Variants in AQP6 observed in about 807,000 individuals in gnomAD.
The protein encoded by AQP6 is aquaporin 6.
AQP6 carries 14 observed loss-of-function variants against 16.3 expected under a neutral mutation model. That is an observed-to-expected ratio of 0.86 (90% CI 0.57 to 1.34). The LOEUF is 1.34. AQP6 is among the 40% of genes most tolerant of loss of function. The pLI, the probability that AQP6 is intolerant of heterozygous loss-of-function variation, is 0.00. For missense variants in AQP6, 331 were observed against 379.7 expected, an observed-to-expected ratio of 0.87 and a Z score of 1.07; for synonymous variants, 178 against 166.8, an observed-to-expected ratio of 1.07 and a Z score of -0.52.
At position 49,973,502 on chromosome 12, in the gene AQP6, G is replaced by C. The variant is rs370418802; in HGVS notation, c.329G>C (p.Gly110Ala). 1.2e-6 allele frequency: 2 copies of C among 1,613,576 alleles called. No homozygotes were observed. The highest frequency in any genetic ancestry group is 2.7e-5 in the African/African-American group (2 of 74,958). The change falls in exon 1 of 4, where the codon GGG (glycine) becomes GCG (alanine). Residue 110 changes from glycine to alanine, a missense_variant. Coordinates refer to ENST00000315520, the MANE Select transcript of AQP6 (RefSeq NM_001652.4). ...GCCTATGTGGCTGCCCAGCTGGTGG[G>C]GGCCACGGTGGGGGCTGCTCTGCTT... ...AVAYVAAQLV[G>A]ATVGAALLYG... is the part of the protein sequence containing the mutation.
rs148861961 is a variant in AQP6, at chr12:49,973,043, G to C, written c.-131G>C. ...GTGGAGGAGCTGCAGGTGGGGGCCA[G>C]AGAAGCCTCCACAGAGAGCAAAAGC... is the stretch of plus-strand genomic sequence containing the variant. On this transcript the variant is annotated 5_prime_UTR_variant, in exon 1 of 4. Coordinates refer to ENST00000315520, the MANE Select transcript of AQP6 (RefSeq NM_001652.4). 4 of 1,285,296 alleles carry C rather than the reference G, an allele frequency of 3.1e-6. No homozygotes were observed. In the African/African-American group the frequency reaches 6.0e-5, roughly 19 times the overall value. The allele number at this position is 1,285,296 out of a possible 1,614,324, so 79.6% of individuals were successfully genotyped here.
chr12:49,974,851 G>T (rs1352960815), intron 3 of AQP6, 25 bp downstream of exon 3: 1 of 1,612,692 alleles, frequency 6.2e-7, no homozygotes, highest in Admixed American at 1.7e-5. Flanking sequence ...TGGCAGCCCT[G>T]GGGAGGGAAG....
chr12:49,974,612 T>C (rs1947557723), intron 2 of AQP6, 130 bp downstream of exon 2: 5 of 1,423,240 alleles, frequency 3.5e-6, no homozygotes, highest in Non-Finnish European at 4.8e-6. Flanking sequence ...TGGTACCCCC[T>C]GCACTCTAGG....
chr12:49,975,822 C>A lies in AQP6; in HGVS notation c.*151C>A. The A allele has an allele frequency of 9.2e-7, 1 of 1,084,052 alleles. No homozygotes were observed. Among genetic ancestry groups the A allele is most frequent in the Non-Finnish European group, 1.2e-6 (1 of 810,118 alleles). 67.2% of individuals were successfully genotyped at this position (1,084,052 alleles called of 1,614,324 possible). ...AAGCCCTATCCCTGGCATTACGTTTCTAGGTAGAATCTGGGAGTGAATTTG... is the reference window on the plus strand; with the variant it reads ...AAGCCCTATCCCTGGCATTACGTTTATAGGTAGAATCTGGGAGTGAATTTG... On this transcript the variant is annotated 3_prime_UTR_variant, in exon 4 of 4. Coordinates refer to ENST00000315520, the MANE Select transcript of AQP6 (RefSeq NM_001652.4). This position sits in a 1 kb window ranked among gnomAD's most constrained non-coding sequence, Gnocchi z 4.4.
Position 49,976,141 on chromosome 12 carries a change from C to T in AQP6, c.*470C>T, listed in dbSNP as rs1232960867. On this transcript the variant is annotated 3_prime_UTR_variant, in exon 4 of 4. Coordinates refer to ENST00000315520, the MANE Select transcript of AQP6 (RefSeq NM_001652.4). ...AGGCCCTGGGACAGCCTCTGAGCTCCTGGGGGTGTTTCTCTGACCTTGGGT... is the reference window on the plus strand; with the variant it reads ...AGGCCCTGGGACAGCCTCTGAGCTCTTGGGGGTGTTTCTCTGACCTTGGGT... The T allele has an allele frequency of 1.3e-5, 2 of 154,132 alleles. No individual in the cohort carries two copies. Among genetic ancestry groups the T allele is most frequent in the African/African-American group, 4.8e-5 (2 of 41,478 alleles). 9.5% of individuals were successfully genotyped at this position (154,132 alleles called of 1,614,324 possible). A position where few individuals can be genotyped will look rare whatever the true frequency, so the allele number is the denominator to read the frequency against.
intron 2 of AQP6, 71 bp downstream of exon 2, chr12:49,974,553 A>T: frequency 6.6e-7 from 1 of 1,514,644 alleles, no homozygotes; most frequent in Non-Finnish European, 8.9e-7. Flanking sequence ...TGGAGCCCTG[A>T]AGGCCAGGCA....
At position 49,973,273 on chromosome 12, in the gene AQP6, A is replaced by AC. The variant is rs778778110; in HGVS notation, c.101dup (p.Leu36AlafsTer279). 3.7e-6 allele frequency: 6 copies of AC among 1,613,866 alleles called. No individual in the cohort carries two copies. In the Admixed American group the frequency reaches 1.0e-4, roughly 27 times the overall value. On this transcript the variant is annotated frameshift_variant, in exon 1 of 4. Coordinates refer to ENST00000315520, the MANE Select transcript of AQP6 (RefSeq NM_001652.4). LOFTEE classifies it high-confidence loss of function. ...GGCGCTGTTTGCAGAGTTCCTGGCC[A>AC]CGGGGCTGTATGTGTTCTTTGGCGT...
Position 49,977,027 on chromosome 12 carries a change from T to C in AQP6, c.*1356T>C. 4 of 702,360 alleles carry C rather than the reference T, an allele frequency of 5.7e-6. No individual in the cohort carries two copies. The highest frequency in any genetic ancestry group is 4.0e-5 in the Admixed American group (2 of 50,012). The allele number at this position is 702,360 out of a possible 1,614,324, so 43.5% of individuals were successfully genotyped here. ...TTCTGGATCTCGGCTTCTCCAGCTG[T>C]AAAATGGACACACAATCCTCCTCCA... On this transcript the variant is annotated 3_prime_UTR_variant, in exon 4 of 4. Coordinates refer to ENST00000315520, the MANE Select transcript of AQP6 (RefSeq NM_001652.4).
In AQP6 at chr12:49,972,981, C is replaced by T; in HGVS notation, c.-193C>T. The T allele has an allele frequency of 2.7e-6, 2 of 750,640 alleles. No homozygotes were observed. Among genetic ancestry groups the T allele is most frequent in the East Asian group, 2.7e-5 (1 of 36,830 alleles). The allele number at this position is 750,640 out of a possible 1,614,324, so 46.5% of individuals were successfully genotyped here. A position where few individuals can be genotyped will look rare whatever the true frequency, so the allele number is the denominator to read the frequency against. ...CATAAGCCCATCCGCCTGCGCCCTG[C>T]CAGTCTGACCAGCACAGTCCTGGGG... On this transcript the variant is annotated 5_prime_UTR_variant, in exon 1 of 4. Coordinates refer to ENST00000315520, the MANE Select transcript of AQP6 (RefSeq NM_001652.4).
intron 1 of AQP6, chr12:49,974,092 T>C (rs1947552001): frequency 1.4e-5 from 18 of 1,246,512 alleles, no homozygotes; most frequent in Non-Finnish European, 1.8e-5. Context: ...CCTGAACCAC[T>C]GGCCCCAACC....
chr12:49,972,999 T>C lies in AQP6; in HGVS notation c.-175T>C. The C allele has an allele frequency of 1.1e-6, 1 of 890,394 alleles. No homozygotes were observed. Among genetic ancestry groups the C allele is most frequent in the Non-Finnish European group, 1.7e-6 (1 of 602,726 alleles). The allele number at this position is 890,394 out of a possible 1,614,324, so 55.2% of individuals were successfully genotyped here. ...CGCCCTGCCAGTCTGACCAGCACAG[T>C]CCTGGGGACAGGAGCGTGGTGGAGG... On this transcript the variant is annotated 5_prime_UTR_variant, in exon 1 of 4. Transcript: ENST00000315520.
At position 49,977,012 on chromosome 12, in the gene AQP6, C is replaced by T. The variant is rs780635907; in HGVS notation, c.*1341C>T. 2.8e-6 allele frequency: 2 copies of T among 702,188 alleles called. No homozygotes were observed. Among genetic ancestry groups the T allele is most frequent in the African/African-American group, 1.7e-5 (1 of 57,228 alleles). The allele number at this position is 702,188 out of a possible 1,614,324, so 43.5% of individuals were successfully genotyped here. A position where few individuals can be genotyped will look rare whatever the true frequency, so the allele number is the denominator to read the frequency against. On this transcript the variant is annotated 3_prime_UTR_variant, in exon 4 of 4. Transcript: ENST00000315520. ...CAACTTGGGGGTCCTTTCTGGATCT[C>T]GGCTTCTCCAGCTGTAAAATGGACA...
rs145050895 is a variant in AQP6 at position 49,973,413 on chromosome 12, C to A, written c.240C>A (p.His80Gln). The A allele has an allele frequency of 1.2e-6, 2 of 1,612,590 alleles. No individual in the cohort carries two copies. The highest frequency in any genetic ancestry group is 1.7e-6 in the Non-Finnish European group (2 of 1,180,026). ...VQVTWKASGA[H>Q]ANPAVTLAFL... Reference sequence around the variant, plus strand: ...TCACCTGGAAGGCCAGCGGGGCCCACGCCAACCCCGCCGTGACGCTGGCCT... The same window carrying A: ...TCACCTGGAAGGCCAGCGGGGCCCAAGCCAACCCCGCCGTGACGCTGGCCT... The change falls in exon 1 of 4, where the codon CAC becomes CAA. Residue 80 changes from histidine to glutamine, a missense_variant. By Grantham distance (24) the His-to-Gln change is conservative. Transcript: ENST00000315520.
In AQP6 at chr12:49,974,368, G is replaced by A; in HGVS notation, c.447G>A (p.Leu149=). The A allele has an allele frequency of 6.2e-7, 1 of 1,612,648 alleles. No individual in the cohort carries two copies. The highest frequency in any genetic ancestry group is 1.1e-5 in the South Asian group (1 of 90,978). The change falls in exon 2 of 4, where the codon CTG becomes CTA. Residue 149 remains leucine (L), a synonymous_variant. Coordinates refer to ENST00000315520, the MANE Select transcript of AQP6 (RefSeq NM_001652.4). ...CTGGCCAGGCGGTGGCAGTGGAGCTGCTTCTGACCCTGCAGCTGGTGCTCT... is the reference window on the plus strand; with the variant it reads ...CTGGCCAGGCGGTGGCAGTGGAGCTACTTCTGACCCTGCAGCTGGTGCTCT... ...VSTGQAVAVE[L]LLTLQLVLCV...
Position 49,974,455 on chromosome 12 carries a change from C to A in AQP6, c.534C>A (p.Ile178=). 2 of 1,611,622 alleles carry A rather than the reference C, an allele frequency of 1.2e-6. No homozygotes were observed. Among genetic ancestry groups the A allele is most frequent in the South Asian group, 1.1e-5 (1 of 90,838 alleles). Residue 178 remains isoleucine (I), a synonymous_variant, in exon 2 of 4, where the codon ATC becomes ATA. Transcript: ENST00000315520. Reference sequence around the variant, plus strand: ...GCTCCCCGGCCACCATGATTGGGATCTCTGTGGCACTGGGCCACCTCATTG... The same window carrying A: ...GCTCCCCGGCCACCATGATTGGGATATCTGTGGCACTGGGCCACCTCATTG... ...TSGSPATMIG[I]SVALGHLIGI...
chr12:49,973,056 A>C lies in AQP6; in HGVS notation c.-118A>C, dbSNP rs1462071340. On this transcript the variant is annotated 5_prime_UTR_variant, in exon 1 of 4. Transcript: ENST00000315520. Reference sequence around the variant, plus strand: ...AGGTGGGGGCCAGAGAAGCCTCCACAGAGAGCAAAAGCCAGGGTCAGCCAG... The same window carrying C: ...AGGTGGGGGCCAGAGAAGCCTCCACCGAGAGCAAAAGCCAGGGTCAGCCAG... 1.4e-6 allele frequency: 2 copies of C among 1,387,490 alleles called. No individual in the cohort carries two copies. Among genetic ancestry groups the C allele is most frequent in the Non-Finnish European group, 1.9e-6 (2 of 1,051,610 alleles). The allele number at this position is 1,387,490 out of a possible 1,614,324, so 85.9% of individuals were successfully genotyped here.
Position 49,975,201 on chromosome 12 carries a change from G to C in AQP6, c.643-264G>C. The C allele has an allele frequency of 7.6e-7, 1 of 1,310,920 alleles. No individual in the cohort carries two copies. The highest frequency in any genetic ancestry group is 9.7e-7 in the Non-Finnish European group (1 of 1,033,658). The allele number at this position is 1,310,920 out of a possible 1,614,324, so 81.2% of individuals were successfully genotyped here. On this transcript the variant is annotated intron_variant, in intron 3 of 3. Coordinates refer to ENST00000315520, the MANE Select transcript of AQP6 (RefSeq NM_001652.4). The surrounding 1 kb of genome is among the most constrained non-coding windows in gnomAD (Gnocchi z 4.4). Reference sequence around the variant, plus strand: ...GGGAAGTGAGAGGAAAGAGGCGGGGGCGGGTGAGGAGACTGGCCCCAGGCC... The same window carrying C: ...GGGAAGTGAGAGGAAAGAGGCGGGGCCGGGTGAGGAGACTGGCCCCAGGCC...
rs1947557187 is a variant in AQP6 at position 49,974,548 on chromosome 12, C to T, written c.561+66C>T. On this transcript the variant is annotated intron_variant, in intron 2 of 3. Coordinates refer to ENST00000315520, the MANE Select transcript of AQP6 (RefSeq NM_001652.4). The stretch of plus-strand genomic sequence containing the variant: ...GTCCGTCCCCGGGGAAACTGTGGAG[C>T]CCTGAAGGCCAGGCAGTGTCCCTCC... 3.3e-6 allele frequency: 5 copies of T among 1,521,620 alleles called. No homozygotes were observed. The South Asian group carries it at 5.0e-5, about 15-fold the overall frequency. The allele number at this position is 1,521,620 out of a possible 1,614,324, so 94.3% of individuals were successfully genotyped here.
rs545103172 is a variant in AQP6, at chr12:49,975,777, C to T, written c.*106C>T. The T allele has an allele frequency of 3.6e-6, 5 of 1,394,478 alleles. No individual in the cohort carries two copies. Among genetic ancestry groups the T allele is most frequent in the African/African-American group, 2.9e-5 (2 of 68,494 alleles). The allele number at this position is 1,394,478 out of a possible 1,614,324, so 86.4% of individuals were successfully genotyped here. A position where few individuals can be genotyped will look rare whatever the true frequency, so the allele number is the denominator to read the frequency against. On this transcript the variant is annotated 3_prime_UTR_variant, in exon 4 of 4. Coordinates refer to ENST00000315520, the MANE Select transcript of AQP6 (RefSeq NM_001652.4). The surrounding 1 kb of genome is among the most constrained non-coding windows in gnomAD (Gnocchi z 4.4). Reference sequence around the variant, plus strand: ...GGGGAGGCTTGACCTTTTGTCCTGACCAGGTGGGCTGGAGGGGACAAGCCC... The same window carrying T: ...GGGGAGGCTTGACCTTTTGTCCTGATCAGGTGGGCTGGAGGGGACAAGCCC...
Sources: allele counts gnomAD v4.1 joint callset, GRCh38; gene constraint gnomAD v4.1.1; non-coding constraint Gnocchi (gnomAD v3.1); transcripts MANE v1.5; gene names NCBI Gene and HGNC (gene_info 2026-07-23, HGNC 2026-07-21).